TRABD2B: variants seen among roughly 807,000 people sequenced by gnomAD.
TRABD2B encodes the protein metalloprotease TIKI2.
In TRABD2B, 14 loss-of-function variants were observed where a neutral mutation model predicts 40.1. The observed-to-expected ratio is 0.35, with a 90% CI of 0.23 to 0.55. TRABD2B has a LOEUF of 0.55. TRABD2B is among the 20% of genes least tolerant of loss of function. The probability of loss-of-function intolerance (pLI) is 0.90; values close to 1 mark genes in which losing one functional copy is unlikely to be tolerated. For missense variants in TRABD2B, 541 were observed against 648.6 expected (o/e 0.83, Z 1.80); for synonymous variants, 263 against 277.0 (o/e 0.95, Z 0.50).
intron 2 of TRABD2B, among the ~76,000 whole-genome samples, chr1:47,878,319 C>A (rs1458695754): frequency 6.6e-6 from 1 of 151,896 alleles, no homozygotes. Flanking sequence ...CTCCCCTGCA[C>A]CCCCCAAAAA....
intron 2 of TRABD2B, among the ~76,000 whole-genome samples, chr1:47,929,447 C>T (rs937167170): frequency 2.0e-5 from 3 of 152,234 alleles, no homozygotes; most frequent in African/African-American, 2.4e-5. Context: ...AGCTCCAGAG[C>T]AAGAATACTT....
chr1:47,802,729 C>T (rs1039072619), intron 2 of TRABD2B, among the ~76,000 whole-genome samples: 1 of 152,114 alleles, frequency 6.6e-6, no homozygotes, highest in East Asian at 1.9e-4. Flanking sequence ...CAGCATTTCT[C>T]GTTGAGTCCC....
At chr1:47,838,690 A>C (rs538535070) in intron 2 of TRABD2B, among the ~76,000 whole-genome samples, 11 of 152,346 alleles carry the variant, frequency 7.2e-5, no homozygotes, top group Admixed American at 2.6e-4. Flanking sequence ...ACAAATGGTC[A>C]GTGCTGGAAA....
At position 47,808,153 on chromosome 1, in the gene TRABD2B, T is replaced by C. The variant is rs193191861; in HGVS notation, c.667-6534A>G. Among the ~76,000 whole-genome samples, 524 of 152,340 alleles carry C rather than the reference T, an allele frequency of 3.4e-3. 1 individual carries two copies. The highest frequency in any genetic ancestry group is 5.1e-3 in the Non-Finnish European group (348 of 68,028). On this transcript the variant is annotated intron_variant, in intron 2 of 6. Coordinates refer to ENST00000606738, the MANE Select transcript of TRABD2B (RefSeq NM_001194986.2). ...GTTGAAGGCCTTACTAGAAAAAATCTGACCCTGTCAAAGAACAAGGAATTC... is the reference window on the plus strand; with the variant it reads ...GTTGAAGGCCTTACTAGAAAAAATCCGACCCTGTCAAAGAACAAGGAATTC...
chr1:47,845,228 C>A (rs1645453137), intron 2 of TRABD2B, among the ~76,000 whole-genome samples: 1 of 152,176 alleles, frequency 6.6e-6, no homozygotes, highest in African/African-American at 2.4e-5. Flanking sequence ...TGTCCGTTAG[C>A]ATGGTAGTGA....
intron 2 of TRABD2B, among the ~76,000 whole-genome samples, chr1:47,863,804 A>G (rs906195361): frequency 4.6e-5 from 7 of 152,218 alleles, no homozygotes; most frequent in Non-Finnish European, 8.8e-5. Flanking sequence ...ACAGACATTT[A>G]TAACAGCTTT....
Position 47,878,264 on chromosome 1 carries a change from C to T in TRABD2B, c.667-76645G>A, listed in dbSNP as rs150410612. 5.9e-3 allele frequency among the ~76,000 whole-genome samples: 898 copies of T among 152,084 alleles called. 6 individuals carry two copies. Among genetic ancestry groups the T allele is most frequent in the African/African-American group, 0.02 (839 of 41,466 alleles). ...CCGAGAAGCGGAGGTTGCAGTGAGC[C>T]GAGGTCACACCACTGCACTCCAGTC... On this transcript the variant is annotated intron_variant, in intron 2 of 6. Transcript: ENST00000606738.
chr1:47,915,942 T>C (rs1189848232), intron 2 of TRABD2B, among the ~76,000 whole-genome samples: 1 of 152,222 alleles, frequency 6.6e-6, no homozygotes, highest in African/African-American at 2.4e-5. Flanking sequence ...TTTTCATTGC[T>C]GGCCCCTGTG....
intron 5 of TRABD2B, among the ~76,000 whole-genome samples, chr1:47,777,555 T>C (rs997951377): frequency 1.3e-5 from 2 of 152,216 alleles, no homozygotes. Context: ...CTGGGCCTCA[T>C]GTTCCTCAAG....
Position 47,778,549 on chromosome 1 carries a change from A to C in TRABD2B, c.989-5T>G, listed in dbSNP as rs1352763146. ...TGTTGTTCCCCAGAAAGTGACCTGG[A>C]ACACAAGTGACAAAAGGGGCTCAGC... On this transcript the variant is annotated splice_polypyrimidine_tract_variant and splice_region_variant and intron_variant, in intron 4 of 6. Coordinates refer to ENST00000606738, the MANE Select transcript of TRABD2B (RefSeq NM_001194986.2). 6.5e-7 allele frequency: 1 copy of C among 1,535,342 alleles called. No homozygotes were observed. The highest frequency in any genetic ancestry group is 8.7e-7 in the Non-Finnish European group (1 of 1,146,274).
At chr1:47,973,959 C>G (rs1218010649) in intron 2 of TRABD2B, among the ~76,000 whole-genome samples, 3 of 152,100 alleles carry the variant, frequency 2.0e-5, no homozygotes, top group African/African-American at 7.2e-5. Context: ...CAAAAATTAG[C>G]TGGGTGCGGT....
intron 3 of TRABD2B, among the ~76,000 whole-genome samples, chr1:47,795,916 C>T (rs543026163): frequency 1.4e-4 from 22 of 152,310 alleles, no homozygotes; most frequent in African/African-American, 5.1e-4. Context: ...ACTATACGCC[C>T]AGCCACATGG....
rs1644255929 is a variant in TRABD2B, at chr1:47,762,617, C to G, written c.*3285G>C. ...AGCATGAAGAAAATATGCTTAGGGT[C>G]TTTCAATGCAAGGACAAATTTGTTC... On this transcript the variant is annotated 3_prime_UTR_variant, in exon 7 of 7. Transcript: ENST00000606738. The G allele has an allele frequency of 6.6e-6, 1 of 152,166 alleles. No homozygotes were observed. Among genetic ancestry groups the G allele is most frequent in the African/African-American group, 2.4e-5 (1 of 41,418 alleles). 9.4% of individuals were successfully genotyped at this position (152,166 alleles called of 1,614,324 possible). A position where few individuals can be genotyped will look rare whatever the true frequency, so the allele number is the denominator to read the frequency against.
At chr1:47,799,368 T>C (rs1644788847) in intron 3 of TRABD2B, among the ~76,000 whole-genome samples, 1 of 152,134 alleles carries the variant, frequency 6.6e-6, no homozygotes, top group African/African-American at 2.4e-5. Context: ...GTAGGTGAGA[T>C]TCCTAGGAGC....
Position 47,765,980 on chromosome 1 carries a change from T to A in TRABD2B, c.1476A>T (p.Ala492=). 5.7e-6 allele frequency: 4 copies of A among 702,092 alleles called. No homozygotes were observed. The highest frequency in any genetic ancestry group is 1.0e-5 in the Non-Finnish European group (4 of 384,580). 43.5% of individuals were successfully genotyped at this position (702,092 alleles called of 1,614,324 possible). A position where few individuals can be genotyped will look rare whatever the true frequency, so the allele number is the denominator to read the frequency against. ...QDPPGPASSS[A]PTLGLLPAIA... ...TGGCGGGGAGAAGGCCCAGGGTGGG[T>A]GCCGAGCTGCTGGCGGGCCCTGGCG... The change falls in exon 7 of 7, where the codon GCA becomes GCT. Residue 492 remains alanine (A), a synonymous_variant. Coordinates refer to ENST00000606738, the MANE Select transcript of TRABD2B (RefSeq NM_001194986.2).
chr1:47,841,348 GCAA>G (rs1321428459), intron 2 of TRABD2B, among the ~76,000 whole-genome samples: 3 of 152,184 alleles, frequency 2.0e-5, no homozygotes, highest in Non-Finnish European at 4.4e-5. Flanking sequence ...AGATGTTGCA[GCAA>G]CAAGATAAGA....
intron 2 of TRABD2B, among the ~76,000 whole-genome samples, chr1:47,873,667 G>A (rs149340027): frequency 0.015 from 2,290 of 152,176 alleles, 28 homozygotes; most frequent in Admixed American, 0.024. Flanking sequence ...GAGAAGGTCT[G>A]AACACGTGTC....
intron 2 of TRABD2B, among the ~76,000 whole-genome samples, chr1:47,850,984 G>GCCACCGCTGATCTGACAGGAGGC (rs1645542004): frequency 6.6e-6 from 1 of 152,160 alleles, no homozygotes; most frequent in Non-Finnish European, 1.5e-5. Context: ...AGAATCTAAT[G>GCCACCGCTGATCTGACAGGAGGC]CCACCGCTGA....
chr1:47,833,416 C>T (rs576249328), intron 2 of TRABD2B, among the ~76,000 whole-genome samples: 1 of 152,328 alleles, frequency 6.6e-6, no homozygotes, highest in South Asian at 2.1e-4. Context: ...CCAACTTTCC[C>T]AGATAGGGCA....
Sources: gnomAD v4.1 joint callset for allele counts (sites outside exome capture counted in the v4.1 genomes callset) on GRCh38, gnomAD v4.1.1 for gene constraint, MANE v1.5 for transcripts, NCBI Gene and HGNC (gene_info 2026-07-23, HGNC 2026-07-21) for gene names.